The following CNGB3 variants were observed in gnomAD, a reference collection of about 807,000 sequenced individuals.
CNGB3 encodes cyclic nucleotide gated channel subunit beta 3.
In CNGB3, 86 loss-of-function variants were observed where a neutral mutation model predicts 92.8. The ratio of observed to expected loss-of-function variants is 0.93; its 90% confidence interval spans 0.78 to 1.11. The LOEUF is 1.11. Among genes scored for constraint, CNGB3 ranks in the 50% least tolerant of loss-of-function variants. The pLI is 0.00. For synonymous variants in CNGB3, 333 were observed against 332.7 expected (o/e 1.00, Z -0.01); for missense variants, 1,026 against 956.8 (o/e 1.07, Z -0.95).
At chr8:86,727,669 G>A (rs921687832) in intron 2 of CNGB3, among the ~76,000 whole-genome samples, 3 of 152,038 alleles carry the variant, frequency 2.0e-5, no homozygotes, top group African/African-American at 7.2e-5. Context: ...AATATTAAAA[G>A]AAAATGTAGA....
At chr8:86,620,737 G>T (rs1025027679) in intron 13 of CNGB3, among the ~76,000 whole-genome samples, 6 of 152,076 alleles carry the variant, frequency 3.9e-5, no homozygotes, top group African/African-American at 1.4e-4. Flanking sequence ...GCAGTGCAAG[G>T]ATCAGTCAGG....
intron 3 of CNGB3, among the ~76,000 whole-genome samples, chr8:86,693,420 T>TTTTTA (rs1554615914): frequency 2.1e-4 from 11 of 53,160 alleles, no homozygotes; most frequent in African/African-American, 4.8e-4. Flanking sequence ...TTCATTTTTT[T>TTTTTA]TTATTATTAT....
chr8:86,626,083 TTATAAA>T lies in CNGB3; in HGVS notation c.1481-9_1481-4del. 1 of 1,607,114 alleles carries T rather than the reference TTATAAA, an allele frequency of 6.2e-7. No individual in the cohort carries two copies. The highest frequency in any genetic ancestry group is 8.5e-7 in the Non-Finnish European group (1 of 1,174,008). The stretch of plus-strand genomic sequence containing the variant: ...GGTCTTAAGCAAATCAGACTCATCT[TTATAAA>T]GATAAACACATCAAACCCCGATGCA... On this transcript the variant is annotated splice_polypyrimidine_tract_variant and splice_region_variant and intron_variant, in intron 12 of 17. Transcript: ENST00000320005.
intron 3 of CNGB3, among the ~76,000 whole-genome samples, chr8:86,720,804 A>G (rs1824952015): frequency 6.7e-6 from 1 of 148,452 alleles, no homozygotes; most frequent in Non-Finnish European, 1.5e-5. Flanking sequence ...ACTTATATAT[A>G]TTCCATGGCA....
intron 12 of CNGB3, among the ~76,000 whole-genome samples, 155 bp downstream of exon 12, chr8:86,628,762 GAA>G (rs35103848): frequency 0.012 from 1,696 of 145,482 alleles, 28 homozygotes; most frequent in African/African-American, 0.039. Flanking sequence ...TATATTTCAG[GAA>G]AAAAAAAAAA....
intron 13 of CNGB3, among the ~76,000 whole-genome samples, chr8:86,618,360 T>C (rs1248676577): frequency 2.6e-5 from 4 of 152,208 alleles, no homozygotes; most frequent in African/African-American, 9.7e-5. Flanking sequence ...AGAATCTGAT[T>C]TTACCTGTGT....
At chr8:86,702,743 C>T (rs1824577678) in intron 3 of CNGB3, among the ~76,000 whole-genome samples, 1 of 151,958 alleles carries the variant, frequency 6.6e-6, no homozygotes, top group Non-Finnish European at 1.5e-5. Context: ...TTATAAGTCA[C>T]TTTTTTCTAA....
chr8:86,689,605 A>C (rs1293981892), intron 3 of CNGB3, among the ~76,000 whole-genome samples: 2 of 151,142 alleles, frequency 1.3e-5, no homozygotes, highest in Non-Finnish European at 2.9e-5. Context: ...GTACATGTGC[A>C]CAACGTGCAG....
At chr8:86,600,998 G>A (rs1203309128) in intron 15 of CNGB3, among the ~76,000 whole-genome samples, 1 of 151,910 alleles carries the variant, frequency 6.6e-6, no homozygotes, top group East Asian at 1.9e-4. Flanking sequence ...TTATAAATCA[G>A]TAGTAATTAC....
intron 6 of CNGB3, among the ~76,000 whole-genome samples, chr8:86,663,909 T>C (rs2131612255): frequency 6.6e-6 from 1 of 152,384 alleles, no homozygotes; most frequent in East Asian, 1.9e-4. Flanking sequence ...CACTTCATTG[T>C]GTGCAAAAGC....
intron 3 of CNGB3, among the ~76,000 whole-genome samples, chr8:86,714,050 T>G (rs1049205622): frequency 3.9e-5 from 6 of 152,194 alleles, no homozygotes; most frequent in Admixed American, 3.3e-4. Context: ...TAGTTTACAT[T>G]ACGGTCCACT....
At chr8:86,637,240 T>G (rs2131589337) in intron 10 of CNGB3, among the ~76,000 whole-genome samples, 1 of 152,306 alleles carries the variant, frequency 6.6e-6, no homozygotes, top group Non-Finnish European at 1.5e-5. Flanking sequence ...TTGCATATCC[T>G]TAGCACCCTT....
chr8:86,608,551 T>C (rs1438214200), intron 14 of CNGB3, among the ~76,000 whole-genome samples: 1 of 152,202 alleles, frequency 6.6e-6, no homozygotes, highest in Admixed American at 6.5e-5. Context: ...CCCGCAGTTA[T>C]CCGGAGGCCT....
In CNGB3 at chr8:86,574,808, T is replaced by G. The variant is rs1324641582; in HGVS notation, c.*996A>C. ...TGCTAGCTAATTCATGAGGACAACT[T>G]CCTAAAGTGCCCTTAATTAACTTGG... On this transcript the variant is annotated 3_prime_UTR_variant, in exon 18 of 18. Transcript: ENST00000320005. 3 of 152,226 alleles carry G rather than the reference T, an allele frequency of 2.0e-5. No homozygotes were observed. The highest frequency in any genetic ancestry group is 7.2e-5 in the African/African-American group (3 of 41,460). 9.4% of individuals were successfully genotyped at this position (152,226 alleles called of 1,614,324 possible).
intron 3 of CNGB3, among the ~76,000 whole-genome samples, chr8:86,720,839 T>TATATACACAC (rs1554618004): frequency 7.7e-6 from 1 of 129,888 alleles, no homozygotes; most frequent in Non-Finnish European, 1.6e-5. Context: ...TATATATGTA[T>TATATACACAC]ACACACACAC....
chr8:86,739,860 T>C, intron 1 of CNGB3, 124 bp from the exon 2 acceptor site: 1 of 1,144,484 alleles, frequency 8.7e-7, no homozygotes, highest in Non-Finnish European at 1.3e-6. Flanking sequence ...GTTTATGATG[T>C]ACTAAAAATG....
At chr8:86,622,297 T>C (rs922457257) in intron 13 of CNGB3, among the ~76,000 whole-genome samples, 1 of 152,126 alleles carries the variant, frequency 6.6e-6, no homozygotes, top group Admixed American at 6.5e-5. Flanking sequence ...ATGAAACTTC[T>C]GCTGCCCTTG....
chr8:86,717,581 ATCG>A (rs1824882531), intron 3 of CNGB3, among the ~76,000 whole-genome samples: 1 of 139,734 alleles, frequency 7.2e-6, no homozygotes, highest in Non-Finnish European at 1.5e-5. Context: ...AAAAAAAAAA[ATCG>A]AGGACTTTAA....
At chr8:86,685,959 T>C (rs190684559) in intron 3 of CNGB3, among the ~76,000 whole-genome samples, 1 of 130,946 alleles carries the variant, frequency 7.6e-6, no homozygotes, top group East Asian at 2.2e-4. Flanking sequence ...GACACAAACT[T>C]AGTTTGCATA....
Sources: gnomAD v4.1 joint callset for allele counts (sites outside exome capture counted in the v4.1 genomes callset) on GRCh38, gnomAD v4.1.1 for gene constraint, MANE v1.5 for transcripts, NCBI Gene and HGNC (gene_info 2026-07-23, HGNC 2026-07-21) for gene names.